The following MYT1L variants were observed in gnomAD, a reference collection of about 807,000 sequenced individuals.
The protein encoded by MYT1L is myelin transcription factor 1 like.
MYT1L carries 12 observed loss-of-function variants against 126.7 expected under a neutral mutation model. The observed-to-expected ratio is 0.09, with a 90% confidence interval of 0.06 to 0.15. The LOEUF is 0.15. MYT1L is among the 10% of genes least tolerant of loss of function. The probability of loss-of-function intolerance (pLI) is 1.00; values close to 1 mark genes in which losing one functional copy is unlikely to be tolerated. For synonymous variants in MYT1L, 541 were observed against 604.2 expected (o/e 0.90, Z 1.53); for missense variants, 979 against 1,585.2 (o/e 0.62, Z 6.49).
At chr2:2,213,692 A>C (rs1307355848) in intron 2 of MYT1L, among the ~76,000 whole-genome samples, 1 of 152,248 alleles carries the variant, frequency 6.6e-6, no homozygotes, top group African/African-American at 2.4e-5. Flanking sequence ...AAATGTAAAA[A>C]GCTAGACCAT....
Position 1,801,622 on chromosome 2 carries a change from C to G in MYT1L, c.3276+74G>C. The G allele has an allele frequency of 2.2e-6, 2 of 904,260 alleles. No homozygotes were observed. Among genetic ancestry groups the G allele is most frequent in the Non-Finnish European group, 3.5e-6 (2 of 565,502 alleles). The allele number at this position is 904,260 out of a possible 1,614,324, so 56.0% of individuals were successfully genotyped here. A position where few individuals can be genotyped will look rare whatever the true frequency, so the allele number is the denominator to read the frequency against. On this transcript the variant is annotated intron_variant, in intron 23 of 24. Coordinates refer to ENST00000647738, the MANE Select transcript of MYT1L (RefSeq NM_001303052.2). This position sits in a 1 kb window ranked among gnomAD's most constrained non-coding sequence, Gnocchi z 4.2. Reference sequence around the variant, plus strand: ...GAGGAAACGACAGCTCTCCTAAAAGCTGATTTCATGCCATGTATCTCTGGT... The same window carrying G: ...GAGGAAACGACAGCTCTCCTAAAAGGTGATTTCATGCCATGTATCTCTGGT...
chr2:1,907,007 G>A (rs2051153030), intron 13 of MYT1L, among the ~76,000 whole-genome samples: 1 of 151,686 alleles, frequency 6.6e-6, no homozygotes, highest in Admixed American at 6.6e-5. Context: ...AGCTACTCAG[G>A]TGGTTGAGGC....
intron 8 of MYT1L, among the ~76,000 whole-genome samples, chr2:1,963,037 T>C (rs1450304467): frequency 6.6e-6 from 1 of 152,228 alleles, no homozygotes. Flanking sequence ...GAGGAATCAC[T>C]CTCTATGGCA....
At chr2:1,833,183 C>T (rs1159715726) in intron 21 of MYT1L, among the ~76,000 whole-genome samples, 2 of 152,176 alleles carry the variant, frequency 1.3e-5, no homozygotes, top group East Asian at 3.9e-4. Context: ...AGTGGCATTG[C>T]ATCTGTCCCG....
chr2:1,831,568 T>C (rs558737925), intron 21 of MYT1L, among the ~76,000 whole-genome samples: 1 of 152,334 alleles, frequency 6.6e-6, no homozygotes, highest in South Asian at 2.1e-4. Context: ...CAGTCTGGTT[T>C]TGGTGCCTGA....
chr2:1,927,634 C>G (rs558090790), intron 9 of MYT1L, among the ~76,000 whole-genome samples: 7 of 152,100 alleles, frequency 4.6e-5, no homozygotes, highest in African/African-American at 7.2e-5. Context: ...GGCAAGTAAA[C>G]GTACAGCTGA....
chr2:1,830,501 G>A (rs1259603165), intron 21 of MYT1L, among the ~76,000 whole-genome samples: 1 of 151,954 alleles, frequency 6.6e-6, no homozygotes, highest in Non-Finnish European at 1.5e-5. Flanking sequence ...GCACCCCGAA[G>A]GGCTCACAGG....
Position 1,801,457 on chromosome 2 carries a change from T to C in MYT1L, c.3276+239A>G, listed in dbSNP as rs2034845896. On this transcript the variant is annotated intron_variant, in intron 23 of 24. Coordinates refer to ENST00000647738, the MANE Select transcript of MYT1L (RefSeq NM_001303052.2). The surrounding 1 kb of genome is among the most constrained non-coding windows in gnomAD (Gnocchi z 4.2). ...AAAATGCCTATTCACAAATGCACTT[T>C]ATTAAAAAACACAAACACACATGCA... The C allele has an allele frequency of 9.7e-6, 4 of 412,378 alleles. No individual in the cohort carries two copies. Among genetic ancestry groups the C allele is most frequent in the African/African-American group, 2.0e-5 (1 of 48,784 alleles). 25.5% of individuals were successfully genotyped at this position (412,378 alleles called of 1,614,324 possible).
chr2:2,081,554 T>C (rs1221404505), intron 3 of MYT1L, among the ~76,000 whole-genome samples: 1 of 152,230 alleles, frequency 6.6e-6, no homozygotes, highest in African/African-American at 2.4e-5. Flanking sequence ...CTAGAACATT[T>C]ATTCACTAAT....
intron 18 of MYT1L, among the ~76,000 whole-genome samples, chr2:1,879,322 C>T (rs2047272383): frequency 6.6e-6 from 1 of 152,160 alleles, no homozygotes; most frequent in African/African-American, 2.4e-5. Flanking sequence ...TAGATTAAAA[C>T]CTCAGATGTA....
intron 13 of MYT1L, among the ~76,000 whole-genome samples, chr2:1,908,859 T>G (rs2051484078): frequency 6.6e-6 from 1 of 152,218 alleles, no homozygotes; most frequent in African/African-American, 2.4e-5. Context: ...CAGAAAACTC[T>G]AGATGTAGCT....
chr2:2,230,775 C>T (rs1377761387), intron 2 of MYT1L, among the ~76,000 whole-genome samples: 1 of 152,220 alleles, frequency 6.6e-6, no homozygotes, highest in East Asian at 1.9e-4. Context: ...GCCATTTTCC[C>T]AGTCTTACCT....
At chr2:2,096,596 A>G (rs1159205712) in intron 3 of MYT1L, among the ~76,000 whole-genome samples, 1 of 151,828 alleles carries the variant, frequency 6.6e-6, no homozygotes, top group Non-Finnish European at 1.5e-5. Context: ...TGCAGTAAAC[A>G]CCCCCTTGTC....
intron 21 of MYT1L, among the ~76,000 whole-genome samples, chr2:1,813,684 C>T (rs1217086912): frequency 6.6e-6 from 1 of 152,026 alleles, no homozygotes; most frequent in African/African-American, 2.4e-5. Flanking sequence ...CCTGGTGATC[C>T]CAGGTGGAAC....
chr2:1,995,183 C>T (rs530256430), intron 5 of MYT1L, among the ~76,000 whole-genome samples: 217 of 151,938 alleles, frequency 1.4e-3, no homozygotes, highest in Non-Finnish European at 2.6e-3. Flanking sequence ...ATCATCTGCA[C>T]GAACTATTCC....
At position 2,019,876 on chromosome 2, in the gene MYT1L, T is replaced by A. The variant is rs181530088; in HGVS notation, c.-157-22529A>T. 3.3e-5 allele frequency among the ~76,000 whole-genome samples: 5 copies of A among 152,264 alleles called. No individual in the cohort carries two copies. The East Asian group carries it at 9.7e-4, about 29-fold the overall frequency. On this transcript the variant is annotated intron_variant, in intron 4 of 24. Transcript: ENST00000647738. ...ATTTTATTTATTTTTTGATATGGTA[T>A]GCTCTGTCACCCAGGCTGGAGTGCA...
chr2:1,839,954 G>C (rs1276375668), intron 20 of MYT1L, among the ~76,000 whole-genome samples: 1 of 152,190 alleles, frequency 6.6e-6, no homozygotes, highest in East Asian at 1.9e-4. Flanking sequence ...GTGTTCCTGG[G>C]AACTTGTGAA....
rs1165074211 is a variant in MYT1L, at chr2:1,814,041, AAAG to A, written c.3081-4877_3081-4875del. ...GACTCCGTCCCCAAAAAAAAAAAAA[AAAG>A]AAAGAAAAATTAGCTTCCATGAAAC... On this transcript the variant is annotated intron_variant, in intron 21 of 24. Coordinates refer to ENST00000647738, the MANE Select transcript of MYT1L (RefSeq NM_001303052.2). Among the ~76,000 whole-genome samples the A allele has an allele frequency of 4.0e-5, 6 of 149,362 alleles. 1 individual carries two copies. The highest frequency in any genetic ancestry group is 2.1e-4 in the South Asian group (1 of 4,698).
intron 3 of MYT1L, among the ~76,000 whole-genome samples, chr2:2,116,021 A>G (rs2080170423): frequency 1.3e-5 from 2 of 151,234 alleles, no homozygotes; most frequent in African/African-American, 4.9e-5. Flanking sequence ...TGAGGCTGAG[A>G]AGTAGGATGC....
Sources: gnomAD v4.1 joint callset for allele counts (sites outside exome capture counted in the v4.1 genomes callset) on GRCh38, gnomAD v4.1.1 for gene constraint, Gnocchi (gnomAD v3.1) non-coding constraint, MANE v1.5 for transcripts, NCBI Gene and HGNC (gene_info 2026-07-23, HGNC 2026-07-21) for gene names.